Variants in SLC24A1 observed in about 807,000 individuals in gnomAD.
SLC24A1 encodes the protein solute carrier family 24 member 1, also known as sodium/potassium/calcium exchanger 1.
In SLC24A1, 52 loss-of-function variants were observed where a neutral mutation model predicts 88.1. The ratio of observed to expected loss-of-function variants is 0.59; its 90% CI spans 0.47 to 0.74. The LOEUF (loss-of-function observed/expected upper bound fraction) is 0.74, where lower values mean the gene tolerates loss of function less well. SLC24A1 is among the 30% of genes least tolerant of loss of function. The pLI, the probability that SLC24A1 is intolerant of heterozygous loss-of-function variation, is 0.00. For synonymous variants in SLC24A1, 455 were observed against 498.0 expected (o/e 0.91, Z 1.15); for missense variants, 1,173 against 1,363.3 (o/e 0.86, Z 2.20).
At chr15:65,657,232 T>C (rs1341067179), downstream of SLC24A1, among the ~76,000 whole-genome samples, 1 of 152,200 alleles carries the variant, frequency 6.6e-6, no homozygotes, top group East Asian at 1.9e-4. Context: ...TCGAAAATAG[T>C]TTTACCAAAT....
downstream of SLC24A1, chr15:65,660,291 T>C (rs2075812214): frequency 2.0e-6 from 3 of 1,535,148 alleles, no homozygotes; most frequent in South Asian, 1.2e-5. Context: ...TTGGAAGCTG[T>C]GAAATGTTTC....
intron 1 of SLC24A1, 113 bp downstream of exon 1, chr15:65,622,205 G>C (rs888538178): frequency 6.6e-6 from 1 of 152,250 alleles, no homozygotes; most frequent in Non-Finnish European, 1.5e-5. Context: ...CTGGGGATAC[G>C]AGTGGGCTTG....
At chr15:65,644,333 C>G in intron 4 of SLC24A1, 94 bp from the exon 5 acceptor site, 1 of 849,936 alleles carries the variant, frequency 1.2e-6, no homozygotes, top group Admixed American at 2.0e-5. Context: ...CTGCAGCTGC[C>G]CTCTGGCTGC....
chr15:65,653,938 G>T lies in SLC24A1; in HGVS notation c.3159G>T (p.Leu1053=), dbSNP rs2075593894. The part of the protein sequence containing the change: ...CAIVLLFLML[L]FVISSIASCK... Reference sequence around the variant, plus strand: ...TTGTTTTGCTTTTTCTCATGCTTCTGTTTGTGATCTCTTCAATTGCGTCAT... The same window carrying T: ...TTGTTTTGCTTTTTCTCATGCTTCTTTTTGTGATCTCTTCAATTGCGTCAT... Residue 1053 remains leucine, a synonymous_variant, in exon 10 of 10, where the codon CTG becomes CTT. Transcript: ENST00000261892. 3 of 1,613,942 alleles carry T rather than the reference G, an allele frequency of 1.9e-6. No homozygotes were observed. Among genetic ancestry groups the T allele is most frequent in the Non-Finnish European group, 2.5e-6 (3 of 1,179,868 alleles).
At chr15:65,631,150 G>A (rs2074710378) in intron 2 of SLC24A1, among the ~76,000 whole-genome samples, 1 of 152,146 alleles carries the variant, frequency 6.6e-6, no homozygotes, top group Non-Finnish European at 1.5e-5. Context: ...ATATGTGTAA[G>A]CTTGTAGTTG....
intron 6 of SLC24A1, among the ~76,000 whole-genome samples, chr15:65,647,271 A>C (rs913980543): frequency 1.3e-5 from 2 of 152,070 alleles, no homozygotes; most frequent in East Asian, 1.9e-4. Flanking sequence ...TGAGGTCAGG[A>C]GTTTGAGACC....
At chr15:65,638,920 C>T (rs1037198932) in intron 3 of SLC24A1, among the ~76,000 whole-genome samples, 6 of 152,170 alleles carry the variant, frequency 3.9e-5, no homozygotes, top group Non-Finnish European at 8.8e-5. Context: ...ATATGTGTCA[C>T]TATGAATAAG....
intron 7 of SLC24A1, among the ~76,000 whole-genome samples, 159 bp from the exon 8 acceptor site, chr15:65,651,511 G>A (rs1421812885): frequency 6.6e-6 from 1 of 152,102 alleles, no homozygotes; most frequent in Non-Finnish European, 1.5e-5. Context: ...TCCATCTCAA[G>A]GTCCTCCCTG....
intron 4 of SLC24A1, among the ~76,000 whole-genome samples, chr15:65,640,141 G>A (rs1198313397): frequency 6.6e-6 from 1 of 152,108 alleles, no homozygotes; most frequent in East Asian, 1.9e-4. Flanking sequence ...GCTGCTTCTG[G>A]GGACGCCTCT....
rs1451512822 is a variant in SLC24A1, at chr15:65,633,757, A to G, written c.1891-4371A>G. On this transcript the variant is annotated intron_variant, in intron 2 of 9. Coordinates refer to ENST00000261892, the MANE Select transcript of SLC24A1 (RefSeq NM_004727.3). Reference sequence around the variant, plus strand: ...CATATATGGCTTGCATTATATTTCTATTGGACAATACTGGACTGCAAGTAA... The same window carrying G: ...CATATATGGCTTGCATTATATTTCTGTTGGACAATACTGGACTGCAAGTAA... Among the ~76,000 whole-genome samples the G allele has an allele frequency of 7.2e-5, 11 of 152,312 alleles. No individual in the cohort carries two copies. The East Asian group carries it at 1.7e-3, about 24-fold the overall frequency.
chr15:65,613,979 A>G (rs1411337539), intron 2 of SLC24A1, among the ~76,000 whole-genome samples: 1 of 152,032 alleles, frequency 6.6e-6, no homozygotes, highest in African/African-American at 2.4e-5. Context: ...CTCCCAAATC[A>G]TACTTCCAAG....
chr15:65,643,018 G>A, intron 4 of SLC24A1: 2 of 1,289,268 alleles, frequency 1.6e-6, no homozygotes, highest in Non-Finnish European at 2.0e-6. Context: ...TAGGACAGCT[G>A]CTCTCAACTA....
At position 65,650,597 on chromosome 15, in the gene SLC24A1, A is replaced by G; in HGVS notation, c.2448A>G (p.Ala816=). Reference sequence around the variant, plus strand: ...GTGAAGATGAGGGTGAAATCCACGCAGAAGATGGTGAAATGAAAGGTAATG... The same window carrying G: ...GTGAAGATGAGGGTGAAATCCACGCGGAAGATGGTGAAATGAAAGGTAATG... ...NEGEDEGEIH[A]EDGEMKGNEG... is the part of the protein sequence containing the mutation. The change falls in exon 7 of 10, where the codon GCA becomes GCG. Residue 816 remains alanine (A), a synonymous_variant. Coordinates refer to ENST00000261892, the MANE Select transcript of SLC24A1 (RefSeq NM_004727.3). The surrounding 1 kb of genome is among the most constrained non-coding windows in gnomAD (Gnocchi z 4.1). 6.4e-7 allele frequency: 1 copy of G among 1,551,954 alleles called. No homozygotes were observed. The highest frequency in any genetic ancestry group is 8.7e-7 in the Non-Finnish European group (1 of 1,147,018).
exon 1 of SLC24A1, chr15:65,611,692 T>C: frequency 6.3e-6 from 1 of 157,534 alleles, no homozygotes; most frequent in Non-Finnish European, 1.4e-5. Context: ...TTCAGGCCTG[T>C]AATCCCAGCA....
chr15:65,628,093 G>C (rs1193596496), intron 2 of SLC24A1, among the ~76,000 whole-genome samples: 2 of 151,984 alleles, frequency 1.3e-5, no homozygotes, highest in African/African-American at 4.8e-5. Flanking sequence ...CTAGTAGCTG[G>C]GACTGTAGGC....
downstream of SLC24A1, chr15:65,660,234 CTAACTGA>C: frequency 6.8e-7 from 1 of 1,479,698 alleles, no homozygotes; most frequent in South Asian, 1.2e-5. Context: ...CAGCCCCAAA[CTAACTGA>C]AGTTTTACAT....
Position 65,654,162 on chromosome 15 carries a change from T to G in SLC24A1, c.*83T>G. On this transcript the variant is annotated 3_prime_UTR_variant, in exon 10 of 10. Coordinates refer to ENST00000261892, the MANE Select transcript of SLC24A1 (RefSeq NM_004727.3). ...ATCTCTTGTGACCCTAATGAAAGAA[T>G]GTATATGATCCTGGAAAGTGAACTG... is the stretch of plus-strand genomic sequence containing the variant. 3 of 1,536,870 alleles carry G rather than the reference T, an allele frequency of 2.0e-6. No individual in the cohort carries two copies. Among genetic ancestry groups the G allele is most frequent in the East Asian group, 4.5e-5 (2 of 44,296 alleles).
At position 65,655,679 on chromosome 15, in the gene SLC24A1, AGATAG is replaced by A; in HGVS notation, c.*1603_*1607del. ...GAGGAATGATTCACTGAAGATGAAA[AGATAG>A]GACGGATGTGATATGAAAAAAACCC... On this transcript the variant is annotated 3_prime_UTR_variant, in exon 10 of 10. Coordinates refer to ENST00000261892, the MANE Select transcript of SLC24A1 (RefSeq NM_004727.3). 4 of 985,426 alleles carry A rather than the reference AGATAG, an allele frequency of 4.1e-6. No individual in the cohort carries two copies. Among genetic ancestry groups the A allele is most frequent in the Non-Finnish European group, 4.8e-6 (4 of 829,916 alleles). 61.0% of individuals were successfully genotyped at this position (985,426 alleles called of 1,614,324 possible).
chr15:65,630,425 T>C (rs1193727969), intron 2 of SLC24A1, among the ~76,000 whole-genome samples: 4 of 152,188 alleles, frequency 2.6e-5, no homozygotes, highest in African/African-American at 9.7e-5. Context: ...CAGTGACCTA[T>C]AGAGCCAGCT....
Sources: allele counts gnomAD v4.1 joint callset (sites outside exome capture counted in the v4.1 genomes callset), GRCh38; gene constraint gnomAD v4.1.1; non-coding constraint Gnocchi (gnomAD v3.1); transcripts MANE v1.5; gene names NCBI Gene and HGNC (gene_info 2026-07-23, HGNC 2026-07-21).